The following ACO1 variants were observed in gnomAD, a reference collection of about 807,000 sequenced individuals.
ACO1 encodes aconitase 1, also known as cytoplasmic aconitate hydratase.
In ACO1, 78 loss-of-function variants were observed where a neutral mutation model predicts 105.1. The observed-to-expected ratio is 0.74, with a 90% confidence interval of 0.62 to 0.90. The LOEUF is 0.90. Among genes scored for constraint, ACO1 ranks in the 40% least tolerant of loss-of-function variants. The pLI is 0.00. For missense variants in ACO1, 965 were observed against 1,111.1 expected (o/e 0.87, Z 1.87); for synonymous variants, 364 against 397.4 (o/e 0.92, Z 1.00).
chr9:32,413,829 CT>C lies in ACO1; in HGVS notation c.405-4289del, dbSNP rs535021455. 3.5e-4 allele frequency among the ~76,000 whole-genome samples: 52 copies of C among 148,292 alleles called. 1 individual carries two copies. Among genetic ancestry groups the C allele is most frequent in the Non-Finnish European group, 1.1e-4 (7 of 66,632 alleles). On this transcript the variant is annotated intron_variant, in intron 4 of 20. Coordinates refer to ENST00000309951, the MANE Select transcript of ACO1 (RefSeq NM_002197.3). ...GTGATATTTTACAAAGTTACCTCACCTTTTTTTTTTGTTCCTCCAACAAGAA... is the reference window on the plus strand; with the variant it reads ...GTGATATTTTACAAAGTTACCTCACCTTTTTTTTTGTTCCTCCAACAAGAA...
intron 1 of ACO1, among the ~76,000 whole-genome samples, chr9:32,388,292 C>CT (rs1821195516): frequency 6.6e-6 from 1 of 152,206 alleles, no homozygotes; most frequent in Non-Finnish European, 1.5e-5. Flanking sequence ...AATCCCAGCA[C>CT]TTTGAGAGTC....
Position 32,419,034 on chromosome 9 carries a change from G to T in ACO1, c.659-4G>T. On this transcript the variant is annotated splice_region_variant and splice_polypyrimidine_tract_variant and intron_variant, in intron 6 of 20. Coordinates refer to ENST00000309951, the MANE Select transcript of ACO1 (RefSeq NM_002197.3). Reference sequence around the variant, plus strand: ...CATTCTTCCGGTCATGCCGTTCATTGCAGGTGTCGGTGGTATTGAAGCAGA... The same window carrying T: ...CATTCTTCCGGTCATGCCGTTCATTTCAGGTGTCGGTGGTATTGAAGCAGA... 1 of 1,593,254 alleles carries T rather than the reference G, an allele frequency of 6.3e-7. No individual in the cohort carries two copies. Among genetic ancestry groups the T allele is most frequent in the Non-Finnish European group, 8.6e-7 (1 of 1,168,274 alleles).
chr9:32,420,324 A>T (rs1328578672), intron 7 of ACO1, among the ~76,000 whole-genome samples: 3 of 152,256 alleles, frequency 2.0e-5, no homozygotes, highest in Non-Finnish European at 4.4e-5. Flanking sequence ...AGGTTGAAAG[A>T]ATTTAATATG....
intron 18 of ACO1, among the ~76,000 whole-genome samples, chr9:32,436,965 G>T (rs746093129): frequency 3.3e-5 from 5 of 152,166 alleles, no homozygotes; most frequent in Admixed American, 6.5e-5. Context: ...ACGCTCTGAG[G>T]CTTAAAATGA....
At chr9:32,433,916 G>T in intron 16 of ACO1, 84 bp downstream of exon 16, 4 of 1,101,848 alleles carry the variant, frequency 3.6e-6, no homozygotes, top group Non-Finnish European at 2.6e-6. Context: ...CCATGCTCTT[G>T]CTTTGACTAC....
intron 18 of ACO1, among the ~76,000 whole-genome samples, chr9:32,438,751 G>A (rs1191406921): frequency 2.0e-5 from 3 of 152,174 alleles, no homozygotes; most frequent in Non-Finnish European, 4.4e-5. Flanking sequence ...GCTGTAAATA[G>A]TATTTATGTA....
At chr9:32,412,625 G>T (rs1277235227) in intron 4 of ACO1, among the ~76,000 whole-genome samples, 1 of 152,104 alleles carries the variant, frequency 6.6e-6, no homozygotes, top group Admixed American at 6.5e-5. Flanking sequence ...CCATGTACTC[G>T]CCAACTCTTC....
At chr9:32,445,549 C>T (rs776353161) in intron 19 of ACO1, 3 of 262,202 alleles carry the variant, frequency 1.1e-5, no homozygotes, top group South Asian at 3.3e-5. Context: ...TTGATCTTTT[C>T]AAAAAACCAG....
chr9:32,434,451 G>A (rs181875839), intron 16 of ACO1, 108 bp from the exon 17 acceptor site: 18 of 1,317,882 alleles, frequency 1.4e-5, no homozygotes, highest in East Asian at 2.3e-5. Context: ...GTGCATTGGT[G>A]TGGAACTGTC....
At chr9:32,403,235 C>T (rs900515469) in intron 1 of ACO1, among the ~76,000 whole-genome samples, 2 of 152,120 alleles carry the variant, frequency 1.3e-5, no homozygotes, top group African/African-American at 4.8e-5. Flanking sequence ...CTCTGAGCTG[C>T]GGTATGCTTA....
intron 4 of ACO1, among the ~76,000 whole-genome samples, chr9:32,415,475 G>T (rs1034799563): frequency 3.3e-5 from 5 of 152,108 alleles, no homozygotes; most frequent in Admixed American, 3.3e-4. Context: ...CCAGCATCAG[G>T]GTTTGACCCA....
chr9:32,434,805 T>C, intron 17 of ACO1, 104 bp downstream of exon 17: 1 of 1,404,178 alleles, frequency 7.1e-7, no homozygotes, highest in Non-Finnish European at 9.8e-7. Context: ...TGAGACTCTT[T>C]GGTTGTGCAC....
At chr9:32,421,159 A>C in intron 8 of ACO1, 132 bp downstream of exon 8, 62 of 1,011,330 alleles carry the variant, frequency 6.1e-5, no homozygotes, top group Non-Finnish European at 7.6e-5. Flanking sequence ...TTTTTTCTCC[A>C]TGGAGTCAAA....
chr9:32,395,431 A>T (rs577980582), intron 1 of ACO1, among the ~76,000 whole-genome samples: 41 of 152,282 alleles, frequency 2.7e-4, no homozygotes, highest in African/African-American at 9.9e-4. Context: ...AGCCGAGATT[A>T]CGCCACTGCA....
At chr9:32,385,557 T>C (rs1007086723) in intron 1 of ACO1, among the ~76,000 whole-genome samples, 3 of 152,232 alleles carry the variant, frequency 2.0e-5, no homozygotes, top group Non-Finnish European at 4.4e-5. Context: ...TAACATTGCC[T>C]ATTTTTATGA....
chr9:32,419,448 T>C (rs1408848998), intron 7 of ACO1, among the ~76,000 whole-genome samples: 3 of 152,286 alleles, frequency 2.0e-5, no homozygotes, highest in African/African-American at 4.8e-5. Context: ...GAAATTAAGA[T>C]GGCATTCATA....
At chr9:32,400,403 G>T (rs1267661693) in intron 1 of ACO1, among the ~76,000 whole-genome samples, 1 of 152,138 alleles carries the variant, frequency 6.6e-6, no homozygotes, top group Non-Finnish European at 1.5e-5. Context: ...GCCCCCCTTG[G>T]ATTAGTGTGT....
intron 1 of ACO1, among the ~76,000 whole-genome samples, chr9:32,396,475 CTTTTT>C (rs527358338): frequency 6.6e-6 from 1 of 152,218 alleles, no homozygotes; most frequent in African/African-American, 2.4e-5. Flanking sequence ...CTGTCTTCCC[CTTTTT>C]TTGCCTTCAC....
intron 17 of ACO1, among the ~76,000 whole-genome samples, chr9:32,435,155 A>T (rs978829294): frequency 6.6e-6 from 1 of 152,196 alleles, no homozygotes; most frequent in Non-Finnish European, 1.5e-5. Context: ...ATTCATAGGT[A>T]TGCCAGTATT....
Sources: allele counts gnomAD v4.1 joint callset (sites outside exome capture counted in the v4.1 genomes callset), GRCh38; gene constraint gnomAD v4.1.1; transcripts MANE v1.5; gene names NCBI Gene and HGNC (gene_info 2026-07-23, HGNC 2026-07-21).